The following NCKAP5 variants were observed in gnomAD, a reference collection of about 807,000 sequenced individuals.
NCKAP5 encodes the protein NCK associated protein 5, also known as nck-associated protein 5.
A neutral mutation model predicts 167.0 loss-of-function variants in NCKAP5; 92 were observed. That is an observed-to-expected ratio of 0.55 (90% CI 0.47 to 0.66). The LOEUF is 0.66. NCKAP5 is among the 30% of genes least tolerant of loss of function. The pLI is 0.00. For synonymous variants in NCKAP5, 891 were observed against 877.4 expected (o/e 1.02, Z -0.27); for missense variants, 2,378 against 2,315.0 (o/e 1.03, Z -0.56).
Position 132,782,119 on chromosome 2 carries a change from T to C in NCKAP5, c.4692A>G (p.Thr1564=). The C allele has an allele frequency of 6.2e-7, 1 of 1,614,018 alleles. No individual in the cohort carries two copies. The highest frequency in any genetic ancestry group is 1.1e-5 in the South Asian group (1 of 91,048). Residue 1564 remains threonine (T), a synonymous_variant, in exon 14 of 20, where the codon ACA becomes ACG. Coordinates refer to ENST00000409261, the MANE Select transcript of NCKAP5 (RefSeq NM_207363.3). ...EKKKPELQCE[T]ENELIKDTKS... is the part of the protein sequence containing the mutation. ...TGGTGTCCTTGATAAGCTCATTTTC[T>C]GTCTCACACTGTAGTTCAGGCTTCT...
rs573313106 is a variant in NCKAP5, at chr2:133,057,167, T to C, written c.342-62928A>G. Among the ~76,000 whole-genome samples, 3 of 152,284 alleles carry C rather than the reference T, an allele frequency of 2.0e-5. No individual in the cohort carries two copies. In the South Asian group the frequency reaches 6.2e-4, roughly 32 times the overall value. On this transcript the variant is annotated intron_variant, in intron 6 of 19. Coordinates refer to ENST00000409261, the MANE Select transcript of NCKAP5 (RefSeq NM_207363.3). ...CGTGTGTTCTGACTGCTCCACCAAT[T>C]GGTCATTTCCCTGATTCCCCTATCT...
the NCKAP5 span, among the ~76,000 whole-genome samples, chr2:133,592,966 C>A: frequency 3.9e-5 from 6 of 152,188 alleles, no homozygotes; most frequent in East Asian, 1.2e-3. Flanking sequence ...ATAAAGTTAT[C>A]TTTGAAGCAG....
intron 3 of NCKAP5, among the ~76,000 whole-genome samples, chr2:133,505,403 T>A (rs6740455): frequency 0.65 from 98,222 of 151,902 alleles, 31,983 homozygotes; most frequent in East Asian, 0.8. Flanking sequence ...CAAACATTAA[T>A]AAAAATCTTT....
At chr2:132,943,714 G>A (rs1164788499) in intron 8 of NCKAP5, among the ~76,000 whole-genome samples, 1 of 152,160 alleles carries the variant, frequency 6.6e-6, no homozygotes, top group African/African-American at 2.4e-5. Context: ...ACAGCTTCAG[G>A]TTCCAGAAAG....
At position 132,784,368 on chromosome 2, in the gene NCKAP5, T is replaced by C; in HGVS notation, c.2443A>G (p.Lys815Glu). The change falls in exon 14 of 20, where the codon AAA becomes GAA. Residue 815 changes from lysine (K) to glutamate (E), a missense_variant. Lys to Glu is a moderately conservative substitution (Grantham distance 56, BLOSUM62 1). Around this residue, in one of 3 missense-constraint regions of NCKAP5, gnomAD observed 1,049 missense variants for 1,023.4 expected, o/e 1.02. Coordinates refer to ENST00000409261, the MANE Select transcript of NCKAP5 (RefSeq NM_207363.3). ...GTGGTGGCTTCGGGCTCCATTAGTT[T>C]TGATTTCTGAGGTGAAGACTTGCCC... The part of the protein sequence containing the change: ...PRGKSSPQKS[K>E]LMEPEATTLL... 2 of 1,613,958 alleles carry C rather than the reference T, an allele frequency of 1.2e-6. No individual in the cohort carries two copies. Among genetic ancestry groups the C allele is most frequent in the South Asian group, 2.2e-5 (2 of 91,080 alleles).
chr2:133,194,533 C>T (rs2085356366), intron 5 of NCKAP5, among the ~76,000 whole-genome samples: 1 of 152,032 alleles, frequency 6.6e-6, no homozygotes, highest in Non-Finnish European at 1.5e-5. Context: ...GCCAAGGACA[C>T]TGATGTTACG....
At chr2:132,938,284 G>A (rs1017675197) in intron 8 of NCKAP5, among the ~76,000 whole-genome samples, 1 of 152,132 alleles carries the variant, frequency 6.6e-6, no homozygotes, top group African/African-American at 2.4e-5. Context: ...GAGAACAAAG[G>A]TTCTGACCCT....
At chr2:133,380,308 T>C (rs996621383) in intron 3 of NCKAP5, among the ~76,000 whole-genome samples, 1 of 152,118 alleles carries the variant, frequency 6.6e-6, no homozygotes, top group Non-Finnish European at 1.5e-5. Flanking sequence ...ATTGTCTACA[T>C]TTTTTTACAG....
intron 3 of NCKAP5, among the ~76,000 whole-genome samples, chr2:133,478,574 G>A (rs538293236): frequency 6.6e-6 from 1 of 152,180 alleles, no homozygotes; most frequent in East Asian, 1.9e-4. Context: ...AGTCCACCAG[G>A]GCACTTTGTA....
At chr2:133,051,551 T>G (rs1043391735) in intron 6 of NCKAP5, among the ~76,000 whole-genome samples, 1 of 152,172 alleles carries the variant, frequency 6.6e-6, no homozygotes, top group Non-Finnish European at 1.5e-5. Context: ...GCAGGCGGTT[T>G]GCTAGCATTC....
At chr2:133,213,804 A>G (rs2086309394) in intron 4 of NCKAP5, 25 bp from the exon 5 acceptor site, 1 of 1,612,528 alleles carries the variant, frequency 6.2e-7, no homozygotes, top group South Asian at 1.1e-5. Flanking sequence ...ACACATGATT[A>G]GTTGACCATT....
At chr2:133,671,384 T>C in the NCKAP5 span, among the ~76,000 whole-genome samples, 1 of 152,146 alleles carries the variant, frequency 6.6e-6, no homozygotes, top group Non-Finnish European at 1.5e-5. Flanking sequence ...TCAAAGTGGC[T>C]GTATTAAAAG....
intron 8 of NCKAP5, among the ~76,000 whole-genome samples, chr2:132,935,985 T>C (rs912794588): frequency 1.8e-4 from 27 of 151,668 alleles, no homozygotes; most frequent in African/African-American, 5.6e-4. Context: ...TTTTTCTTTT[T>C]TTTTTTTTTT....
At chr2:132,836,885 C>A (rs764615064) in intron 11 of NCKAP5, among the ~76,000 whole-genome samples, 6 of 152,118 alleles carry the variant, frequency 3.9e-5, no homozygotes, top group Non-Finnish European at 8.8e-5. Flanking sequence ...TGTATCAAAT[C>A]CTGTATTAGG....
intron 8 of NCKAP5, among the ~76,000 whole-genome samples, chr2:132,891,228 G>A (rs182951203): frequency 8.2e-4 from 125 of 152,276 alleles, no homozygotes; most frequent in Non-Finnish European, 9.6e-4. Flanking sequence ...ATCACTTGGG[G>A]GGTTATGGGA....
At chr2:133,664,994 C>G in the NCKAP5 span, among the ~76,000 whole-genome samples, 1 of 152,212 alleles carries the variant, frequency 6.6e-6, no homozygotes. Flanking sequence ...ATCCTCACCT[C>G]TGTCAGTTTC....
At chr2:133,210,209 G>A (rs201504782) in intron 5 of NCKAP5, among the ~76,000 whole-genome samples, 38 of 50,238 alleles carry the variant, frequency 7.6e-4, no homozygotes, top group African/African-American at 3.3e-3. Context: ...ATAATATAAT[G>A]TAATGTAATG....
intron 3 of NCKAP5, among the ~76,000 whole-genome samples, chr2:133,405,130 G>T (rs1248990717): frequency 6.6e-6 from 1 of 152,146 alleles, no homozygotes; most frequent in African/African-American, 2.4e-5. Flanking sequence ...CTGAACCATT[G>T]CTCCTTGGAA....
intron 19 of NCKAP5, among the ~76,000 whole-genome samples, chr2:132,701,587 T>C (rs1037021671): frequency 6.6e-6 from 1 of 152,168 alleles, no homozygotes; most frequent in Admixed American, 6.5e-5. Flanking sequence ...AGTTCAGGAA[T>C]AGGAGGTGCT....
Sources: allele counts gnomAD v4.1 joint callset (sites outside exome capture counted in the v4.1 genomes callset), GRCh38; gene constraint gnomAD v4.1.1; regional missense constraint gnomAD v4.1.1; transcripts MANE v1.5; gene names NCBI Gene and HGNC (gene_info 2026-07-23, HGNC 2026-07-21).